ZCCHC4: variants seen among roughly 807,000 people sequenced by gnomAD.
ZCCHC4 encodes the protein rRNA N(6)-adenosine-methyltransferase ZCCHC4.
In ZCCHC4, 54 loss-of-function variants were observed where a neutral mutation model predicts 67.7. The ratio of observed to expected loss-of-function variants is 0.80; its 90% CI spans 0.64 to 1.00. The LOEUF (loss-of-function observed/expected upper bound fraction) is 1.00, where lower values mean the gene tolerates loss of function less well. Ranked by LOEUF, ZCCHC4 falls within the 50% of genes least tolerant of loss-of-function variation. ZCCHC4 has a pLI of 0.00. For synonymous variants in ZCCHC4, 198 were observed against 213.5 expected, an observed-to-expected ratio of 0.93 and a Z score of 0.63; for missense variants, 609 against 617.0, an observed-to-expected ratio of 0.99 and a Z score of 0.14.
chr4:25,338,283 G>A lies in ZCCHC4; in HGVS notation c.686+4295G>A, dbSNP rs78588207. Among the ~76,000 whole-genome samples the A allele has an allele frequency of 0.014, 2,137 of 152,182 alleles. 94 individuals carry two copies. The East Asian group carries it at 0.15, about 11-fold the overall frequency. ...TAATTTTTGTATTTCTTGTAGAGAC[G>A]GGGTTTCACCTTGTTGCCCAAGATA... On this transcript the variant is annotated intron_variant, in intron 5 of 12. Transcript: ENST00000302874.
At position 25,359,707 on chromosome 4, in the gene ZCCHC4, G is replaced by C. The variant is rs1720648086; in HGVS notation, c.1012-2152G>C. Reference sequence around the variant, plus strand: ...CAGCCCAGTGAACTTTGTGGAGACAGTTGTTTCCAGAGCAACAATTCCAGA... The same window carrying C: ...CAGCCCAGTGAACTTTGTGGAGACACTTGTTTCCAGAGCAACAATTCCAGA... On this transcript the variant is annotated intron_variant, in intron 8 of 12. Coordinates refer to ENST00000302874, the MANE Select transcript of ZCCHC4 (RefSeq NM_024936.3). The surrounding 1 kb of genome is among the most constrained non-coding windows in gnomAD (Gnocchi z 4.9). 1.3e-5 allele frequency among the ~76,000 whole-genome samples: 2 copies of C among 152,216 alleles called. No homozygotes were observed. Among genetic ancestry groups the C allele is most frequent in the South Asian group, 4.1e-4 (2 of 4,832 alleles).
intron 1 of ZCCHC4, 63 bp from the exon 2 acceptor site, chr4:25,313,983 A>G (rs1718099201): frequency 3.7e-6 from 4 of 1,067,058 alleles, no homozygotes; most frequent in Non-Finnish European, 5.5e-6. Flanking sequence ...AGCGAAAACT[A>G]AGAACTTGAC....
intron 8 of ZCCHC4, among the ~76,000 whole-genome samples, chr4:25,353,891 G>A (rs1010209105): frequency 7.9e-5 from 12 of 152,170 alleles, no homozygotes; most frequent in African/African-American, 2.7e-4. Flanking sequence ...TCATCATTCA[G>A]ATAGTCCCAA....
At chr4:25,353,265 G>T (rs1447275493) in intron 8 of ZCCHC4, among the ~76,000 whole-genome samples, 3 of 152,116 alleles carry the variant, frequency 2.0e-5, no homozygotes, top group African/African-American at 4.8e-5. Context: ...TTCCAAAACT[G>T]AGATTACTTT....
chr4:25,367,618 A>T (rs1025131827), intron 12 of ZCCHC4, among the ~76,000 whole-genome samples: 2 of 152,212 alleles, frequency 1.3e-5, no homozygotes, highest in Non-Finnish European at 2.9e-5. Context: ...TTTATATAGT[A>T]TGCATGAATC....
chr4:25,324,014 G>GTTCTTTTTTTTTTT (rs1553895903), intron 3 of ZCCHC4, among the ~76,000 whole-genome samples: 1 of 82,448 alleles, frequency 1.2e-5, no homozygotes, highest in African/African-American at 5.2e-5. Context: ...TGTTTTTTGT[G>GTTCTTTTTTTTTTT]TTTTTTTTTT....
Position 25,314,032 on chromosome 4 carries a change from T to A in ZCCHC4, c.128-14T>A. ...ACTTGACACTTTTTTTTTTTTTTTC[T>A]ATTCTGGAACTAGGACCCACTCTTC... is the stretch of plus-strand genomic sequence containing the variant. On this transcript the variant is annotated splice_polypyrimidine_tract_variant and intron_variant, in intron 1 of 12. Transcript: ENST00000302874. The A allele has an allele frequency of 7.7e-6, 11 of 1,437,610 alleles. No homozygotes were observed. Among genetic ancestry groups the A allele is most frequent in the Non-Finnish European group, 1.0e-5 (11 of 1,055,696 alleles). 89.1% of individuals were successfully genotyped at this position (1,437,610 alleles called of 1,614,324 possible).
chr4:25,361,863 A>G lies in ZCCHC4; in HGVS notation c.1016A>G (p.Asp339Gly). The change falls in exon 9 of 13, where the codon GAT becomes GGT. Residue 339 changes from aspartate (D) to glycine (G), a missense_variant. By Grantham distance (94) the Asp-to-Gly change is moderately conservative. Coordinates refer to ENST00000302874, the MANE Select transcript of ZCCHC4 (RefSeq NM_024936.3). ...CTCTAATTTTTAACTTTCTAGGTAG[A>G]TTATGATAATCATGCACTTTATAAA... The part of the protein sequence containing the change: ...PSFQMLDYQV[D>G]YDNHALYKHG... The G allele has an allele frequency of 6.2e-7, 1 of 1,603,894 alleles. No homozygotes were observed. Among genetic ancestry groups the G allele is most frequent in the Non-Finnish European group, 8.5e-7 (1 of 1,174,982 alleles).
At chr4:25,353,647 A>G (rs1242733486) in intron 8 of ZCCHC4, among the ~76,000 whole-genome samples, 1 of 152,254 alleles carries the variant, frequency 6.6e-6, no homozygotes, top group Non-Finnish European at 1.5e-5. Flanking sequence ...TGAGTGAAAT[A>G]GCATGAACCC....
chr4:25,368,633 CCATG>C (rs1577357460), intron 12 of ZCCHC4, among the ~76,000 whole-genome samples: 2 of 152,056 alleles, frequency 1.3e-5, no homozygotes, highest in African/African-American at 4.8e-5. Flanking sequence ...GCTGACTGCC[CCATG>C]TATCAGCTCC....
intron 6 of ZCCHC4, among the ~76,000 whole-genome samples, 180 bp from the exon 7 acceptor site, chr4:25,349,312 T>TA (rs1293629660): frequency 6.6e-6 from 1 of 152,184 alleles, no homozygotes; most frequent in East Asian, 1.9e-4. Context: ...AACCCAAAGA[T>TA]AAAATCTCAT....
chr4:25,360,813 C>T (rs986463095), intron 8 of ZCCHC4, among the ~76,000 whole-genome samples: 1 of 152,190 alleles, frequency 6.6e-6, no homozygotes, highest in Non-Finnish European at 1.5e-5. Flanking sequence ...GGGCATGATA[C>T]ACAGATGGGT....
intron 5 of ZCCHC4, among the ~76,000 whole-genome samples, chr4:25,341,782 A>T (rs1489477972): frequency 6.6e-6 from 1 of 152,220 alleles, no homozygotes; most frequent in Non-Finnish European, 1.5e-5. Context: ...TATACAACTT[A>T]GTAGTGTTAA....
chr4:25,316,557 T>C (rs1030748339), intron 3 of ZCCHC4, among the ~76,000 whole-genome samples: 5 of 152,240 alleles, frequency 3.3e-5, no homozygotes, highest in Non-Finnish European at 7.3e-5. Flanking sequence ...ATTTTTGTTT[T>C]TTATCAAATT....
intron 8 of ZCCHC4, among the ~76,000 whole-genome samples, chr4:25,361,200 T>C (rs747403480): frequency 3.9e-5 from 6 of 152,232 alleles, no homozygotes; most frequent in Non-Finnish European, 7.3e-5. Context: ...CCTGGCTTAA[T>C]GTATAAAGCA....
intron 3 of ZCCHC4, among the ~76,000 whole-genome samples, chr4:25,330,318 CATGTTGTT>C (rs1397378911): frequency 6.6e-6 from 1 of 151,886 alleles, no homozygotes. Flanking sequence ...AATCATGAGT[CATGTTGTT>C]CTGTTTCTTT....
intron 5 of ZCCHC4, among the ~76,000 whole-genome samples, chr4:25,344,874 C>T (rs985586220): frequency 6.6e-6 from 1 of 150,670 alleles, no homozygotes; most frequent in African/African-American, 2.4e-5. Context: ...GTGATCTTGG[C>T]TCACTGCATC....
At chr4:25,360,315 C>T (rs75479833) in intron 8 of ZCCHC4, among the ~76,000 whole-genome samples, 1 of 152,246 alleles carries the variant, frequency 6.6e-6, no homozygotes, top group Non-Finnish European at 1.5e-5. Context: ...CGGGCATATG[C>T]CCTATAGGTA....
intron 8 of ZCCHC4, among the ~76,000 whole-genome samples, chr4:25,355,701 T>C (rs1459934300): frequency 6.6e-6 from 1 of 152,178 alleles, no homozygotes; most frequent in East Asian, 1.9e-4. Context: ...TTCTGGAAAA[T>C]TATTGCAAAT....
Sources: allele counts gnomAD v4.1 joint callset (sites outside exome capture counted in the v4.1 genomes callset), GRCh38; gene constraint gnomAD v4.1.1; non-coding constraint Gnocchi (gnomAD v3.1); transcripts MANE v1.5; gene names NCBI Gene and HGNC (gene_info 2026-07-23, HGNC 2026-07-21).